Variants in WDFY2 observed in about 807,000 individuals in gnomAD.
WDFY2 encodes WD repeat and FYVE domain containing 2.
In WDFY2, 36 loss-of-function variants were observed where a neutral mutation model predicts 56.4. The observed-to-expected ratio is 0.64, with a 90% CI of 0.49 to 0.84. The LOEUF is 0.84. Ranked by LOEUF, WDFY2 falls within the 40% of genes least tolerant of loss-of-function variation. The pLI, the probability that WDFY2 is intolerant of heterozygous loss-of-function variation, is 0.00. For missense variants in WDFY2, 444 were observed against 512.2 expected (o/e 0.87, Z 1.29); for synonymous variants, 176 against 183.7 (o/e 0.96, Z 0.34).
intron 4 of WDFY2, 132 bp from the exon 5 acceptor site, chr13:51,719,066 T>C (rs1261271103): frequency 2.4e-6 from 3 of 1,262,098 alleles, no homozygotes; most frequent in African/African-American, 2.9e-5. Flanking sequence ...TGTTCTACCT[T>C]GTCCTTAAAA....
At chr13:51,736,298 A>G (rs1385806210) in intron 6 of WDFY2, among the ~76,000 whole-genome samples, 1 of 152,234 alleles carries the variant, frequency 6.6e-6, no homozygotes, top group Non-Finnish European at 1.5e-5. Flanking sequence ...TCTGAGGCAC[A>G]GAAACGTTAA....
At chr13:51,689,017 TCA>T (rs1217739827) in intron 3 of WDFY2, among the ~76,000 whole-genome samples, 1 of 152,188 alleles carries the variant, frequency 6.6e-6, no homozygotes, top group African/African-American at 2.4e-5. Flanking sequence ...TGTTCTGGCT[TCA>T]GAGTTTGGCC....
At chr13:51,593,888 T>C (rs1954097129) in intron 1 of WDFY2, 1 of 152,254 alleles carries the variant, frequency 6.6e-6, no homozygotes, top group Non-Finnish European at 1.5e-5. Flanking sequence ...TAAGTTTAGC[T>C]GTCAAAATTT....
intron 1 of WDFY2, among the ~76,000 whole-genome samples, chr13:51,613,702 G>A (rs1339239883): frequency 1.3e-5 from 2 of 151,818 alleles, no homozygotes; most frequent in African/African-American, 4.8e-5. Flanking sequence ...TCGTGGAAAA[G>A]TCTTAGATGC....
chr13:51,720,490 A>G (rs535598187), intron 5 of WDFY2, among the ~76,000 whole-genome samples: 2 of 152,316 alleles, frequency 1.3e-5, no homozygotes, highest in East Asian at 1.9e-4. Context: ...TTAAAAGCCA[A>G]TTCAGATGAG....
chr13:51,625,587 A>G (rs1200685881), intron 1 of WDFY2, among the ~76,000 whole-genome samples: 1 of 152,228 alleles, frequency 6.6e-6, no homozygotes, highest in Non-Finnish European at 1.5e-5. Context: ...CCCATTCTTA[A>G]TAAGAGTCCA....
chr13:51,635,569 G>C (rs1955032458), intron 1 of WDFY2, among the ~76,000 whole-genome samples: 2 of 152,236 alleles, frequency 1.3e-5, no homozygotes, highest in African/African-American at 4.8e-5. Flanking sequence ...TCCTCTCTCT[G>C]AGCATTCAGA....
intron 1 of WDFY2, among the ~76,000 whole-genome samples, chr13:51,637,383 A>G (rs1955073625): frequency 6.6e-6 from 1 of 151,934 alleles, no homozygotes. Flanking sequence ...CAAATTGTAG[A>G]TTTTGTTTTT....
intron 1 of WDFY2, among the ~76,000 whole-genome samples, chr13:51,605,008 A>C (rs1254660350): frequency 6.6e-6 from 1 of 152,232 alleles, no homozygotes; most frequent in Non-Finnish European, 1.5e-5. Context: ...CTAGATGATA[A>C]GTGGGGATTA....
chr13:51,592,677 G>A (rs1954072730), intron 1 of WDFY2: 2 of 152,164 alleles, frequency 1.3e-5, no homozygotes, highest in Admixed American at 1.3e-4. Flanking sequence ...TTTTAGCTGG[G>A]CAGATTTACT....
intron 4 of WDFY2, among the ~76,000 whole-genome samples, chr13:51,713,846 CA>C (rs763208351): frequency 0.03 from 1,672 of 55,374 alleles, 16 homozygotes; most frequent in African/African-American, 0.073. Context: ...GATTCCATCT[CA>C]AAAAAAAAAA....
At chr13:51,635,841 A>G (rs1307097731) in intron 1 of WDFY2, among the ~76,000 whole-genome samples, 1 of 152,218 alleles carries the variant, frequency 6.6e-6, no homozygotes, top group East Asian at 1.9e-4. Context: ...TCCTTCTGCT[A>G]CTATTATTTA....
chr13:51,627,014 G>C (rs1190322451), intron 1 of WDFY2, among the ~76,000 whole-genome samples: 2 of 152,262 alleles, frequency 1.3e-5, no homozygotes, highest in African/African-American at 4.8e-5. Context: ...AGCCAGGCAT[G>C]CTGGCTGCTG....
At chr13:51,740,713 CAAA>C (rs5803567) in intron 7 of WDFY2, among the ~76,000 whole-genome samples, 2 of 90,216 alleles carry the variant, frequency 2.2e-5, no homozygotes, top group Non-Finnish European at 2.4e-5. Flanking sequence ...GACTCCGTCT[CAAA>C]AAAAAAAAAA....
intron 1 of WDFY2, among the ~76,000 whole-genome samples, chr13:51,616,874 AT>A (rs987701793): frequency 2.6e-5 from 4 of 152,212 alleles, no homozygotes; most frequent in African/African-American, 9.6e-5. Flanking sequence ...AAGTGTTTTT[AT>A]TTTTAGAGAT....
At chr13:51,633,645 G>A (rs972122162) in intron 1 of WDFY2, among the ~76,000 whole-genome samples, 3 of 152,156 alleles carry the variant, frequency 2.0e-5, no homozygotes, top group African/African-American at 7.2e-5. Context: ...GTCAGTGGTG[G>A]AGACTTTTTT....
chr13:51,633,649 CT>C (rs1954995415), intron 1 of WDFY2, among the ~76,000 whole-genome samples: 1 of 152,082 alleles, frequency 6.6e-6, no homozygotes, highest in Non-Finnish European at 1.5e-5. Context: ...GTGGTGGAGA[CT>C]TTTTTTCTCC....
At position 51,732,117 on chromosome 13, in the gene WDFY2, T is replaced by C. The variant is rs17075908; in HGVS notation, c.598+4327T>C. The stretch of plus-strand genomic sequence containing the variant: ...TCTATGAAAAAGTCGTAAAGTAACT[T>C]GAACAGAGGAGAATTTTTTTTTTGT... On this transcript the variant is annotated intron_variant, in intron 6 of 11. Coordinates refer to ENST00000298125, the MANE Select transcript of WDFY2 (RefSeq NM_052950.4). Among the ~76,000 whole-genome samples the C allele has an allele frequency of 9.4e-3, 1,434 of 152,306 alleles. 27 individuals carry two copies. Among genetic ancestry groups the C allele is most frequent in the African/African-American group, 0.032 (1,332 of 41,556 alleles).
intron 6 of WDFY2, among the ~76,000 whole-genome samples, chr13:51,737,555 A>G: frequency 1.0e-5 from 1 of 96,350 alleles, no homozygotes; most frequent in African/African-American, 2.9e-5. Context: ...TGAATTTAAA[A>G]AAAAAAAAAA....
Sources: allele counts gnomAD v4.1 joint callset (sites outside exome capture counted in the v4.1 genomes callset), GRCh38; gene constraint gnomAD v4.1.1; transcripts MANE v1.5; gene names NCBI Gene and HGNC (gene_info 2026-07-23, HGNC 2026-07-21).